Variants in TMEM132D observed in about 807,000 individuals in gnomAD.
TMEM132D encodes transmembrane protein 132D.
Under a neutral mutation model 62.3 loss-of-function variants are expected in TMEM132D, and 21 were observed. The ratio of observed to expected loss-of-function variants is 0.34; its 90% CI spans 0.24 to 0.49. The LOEUF (loss-of-function observed/expected upper bound fraction) is 0.49, where lower values mean the gene tolerates loss of function less well. TMEM132D is among the 20% of genes least tolerant of loss of function. The pLI is 0.99. For missense variants in TMEM132D, 1,346 were observed against 1,402.8 expected, an observed-to-expected ratio of 0.96 and a Z score of 0.65; for synonymous variants, 621 against 575.6, an observed-to-expected ratio of 1.08 and a Z score of -1.13.
intron 3 of TMEM132D, among the ~76,000 whole-genome samples, chr12:129,386,489 A>G (rs1871108626): frequency 6.6e-6 from 1 of 152,022 alleles, no homozygotes; most frequent in Non-Finnish European, 1.5e-5. Flanking sequence ...CACCAACACC[A>G]ACACCACCAA....
chr12:129,886,374 A>T (rs573003874), intron 1 of TMEM132D, among the ~76,000 whole-genome samples: 1 of 152,284 alleles, frequency 6.6e-6, no homozygotes, highest in Admixed American at 6.5e-5. Context: ...GAGAGAGAGA[A>T]GACAGAGGAT....
rs1874167081 is a variant in TMEM132D, at chr12:129,074,133, C to A, written c.3042G>T (p.Gly1014=). The part of the protein sequence containing the change: ...LSTNSQKSIN[G]QLFKPLGPII... ...TGGGTCCCAAAGGTTTGAACAGCTG[C>A]CCATTGATGCTTTTTTGGGAGTTTG... is the stretch of plus-strand genomic sequence containing the variant. The change falls in exon 9 of 9, where the codon GGG becomes GGT. Residue 1014 remains glycine, a synonymous_variant. Coordinates refer to ENST00000422113, the MANE Select transcript of TMEM132D (RefSeq NM_133448.3). 6.2e-7 allele frequency: 1 copy of A among 1,614,064 alleles called. No individual in the cohort carries two copies. Among genetic ancestry groups the A allele is most frequent in the Non-Finnish European group, 8.5e-7 (1 of 1,180,002 alleles).
intron 5 of TMEM132D, among the ~76,000 whole-genome samples, chr12:129,176,419 T>C (rs569219113): frequency 9.2e-5 from 14 of 152,224 alleles, no homozygotes; most frequent in Admixed American, 3.9e-4. Flanking sequence ...GTAGCCACCA[T>C]TGGGTTGCCA....
At chr12:129,626,276 G>A (rs944691585) in intron 2 of TMEM132D, among the ~76,000 whole-genome samples, 7 of 152,066 alleles carry the variant, frequency 4.6e-5, no homozygotes, top group African/African-American at 7.2e-5. Context: ...GTTTTTGTTC[G>A]TGAAACCCTT....
chr12:129,178,943 C>T (rs763724233), intron 5 of TMEM132D, among the ~76,000 whole-genome samples: 1 of 152,162 alleles, frequency 6.6e-6, no homozygotes, highest in Non-Finnish European at 1.5e-5. Context: ...TTTGCTCTCG[C>T]CACACCCGGG....
At chr12:129,806,548 T>G (rs1353397569) in intron 1 of TMEM132D, among the ~76,000 whole-genome samples, 11 of 76,254 alleles carry the variant, frequency 1.4e-4, no homozygotes, top group Admixed American at 1.9e-4. Context: ...TGTTGTGGGG[T>G]GGGGGGAGGG....
intron 4 of TMEM132D, among the ~76,000 whole-genome samples, chr12:129,310,700 C>G (rs1881951398): frequency 6.6e-6 from 1 of 152,166 alleles, no homozygotes; most frequent in Non-Finnish European, 1.5e-5. Context: ...TGGTATAAAC[C>G]ATCCAACTCC....
At chr12:129,657,542 G>T in intron 2 of TMEM132D, among the ~76,000 whole-genome samples, 1 of 152,202 alleles carries the variant, frequency 6.6e-6, no homozygotes, top group East Asian at 1.9e-4. Context: ...ATACATTTTT[G>T]TAGTTAAAAT....
intron 5 of TMEM132D, among the ~76,000 whole-genome samples, chr12:129,159,540 T>G (rs1426678964): frequency 6.6e-6 from 1 of 152,064 alleles, no homozygotes; most frequent in African/African-American, 2.4e-5. Flanking sequence ...GCAGATCACT[T>G]GAGGCCAGGA....
chr12:129,513,844 A>ATTTT (rs1404193518), intron 3 of TMEM132D, among the ~76,000 whole-genome samples: 4 of 117,196 alleles, frequency 3.4e-5, no homozygotes, highest in East Asian at 2.9e-4. Context: ...TTATTTATTT[A>ATTTT]TTTATTTTTT....
At chr12:129,851,374 G>A (rs1873534901) in intron 1 of TMEM132D, among the ~76,000 whole-genome samples, 1 of 152,076 alleles carries the variant, frequency 6.6e-6, no homozygotes, top group Admixed American at 6.5e-5. Context: ...CCTTCTCGCA[G>A]GCTACTATAA....
At chr12:129,287,590 A>AT (rs1288167533) in intron 4 of TMEM132D, among the ~76,000 whole-genome samples, 7 of 152,216 alleles carry the variant, frequency 4.6e-5, no homozygotes, top group Non-Finnish European at 7.3e-5. Flanking sequence ...CATAGGGAAA[A>AT]TAGGAACCTT....
intron 2 of TMEM132D, among the ~76,000 whole-genome samples, chr12:129,697,812 C>T (rs796774229): frequency 2.0e-5 from 3 of 152,218 alleles, no homozygotes; most frequent in African/African-American, 7.2e-5. Flanking sequence ...ATAAAAGCCA[C>T]CCTTGGACCC....
intron 1 of TMEM132D, among the ~76,000 whole-genome samples, chr12:129,880,255 T>C (rs955903752): frequency 6.6e-5 from 10 of 152,112 alleles, no homozygotes; most frequent in Admixed American, 2.0e-4. Context: ...CAGAATTCTA[T>C]ACCCAGTAAA....
At chr12:129,479,723 G>A (rs969653126) in intron 3 of TMEM132D, among the ~76,000 whole-genome samples, 7 of 152,174 alleles carry the variant, frequency 4.6e-5, no homozygotes, top group African/African-American at 1.4e-4. Flanking sequence ...GAGGAGTGAA[G>A]AAAGTTCTCA....
At chr12:129,257,230 A>G (rs7302686) in intron 4 of TMEM132D, among the ~76,000 whole-genome samples, 13,345 of 135,598 alleles carry the variant, frequency 0.098, 797 homozygotes, top group Admixed American at 0.2. Context: ...TTTTTGAGAT[A>G]GAGTCTCACT....
intron 3 of TMEM132D, among the ~76,000 whole-genome samples, chr12:129,426,118 G>A (rs1302369304): frequency 6.6e-6 from 1 of 152,052 alleles, no homozygotes; most frequent in Non-Finnish European, 1.5e-5. Context: ...TCAAATCAGA[G>A]GAAGAATTCA....
chr12:129,181,378 C>T lies in TMEM132D; in HGVS notation c.1443+28142G>A, dbSNP rs143607904. 1.8e-4 allele frequency among the ~76,000 whole-genome samples: 27 copies of T among 152,338 alleles called. No individual in the cohort carries two copies. The East Asian group carries it at 3.3e-3, about 19-fold the overall frequency. The stretch of plus-strand genomic sequence containing the variant: ...ACTCTTGCCCAGACAATTGCAATCA[C>T]ATCCAAATTGATCTCCCTGCCTCTG... On this transcript the variant is annotated intron_variant, in intron 5 of 8. Transcript: ENST00000422113.
chr12:129,320,520 A>G (rs2135642564), intron 4 of TMEM132D, among the ~76,000 whole-genome samples: 1 of 152,330 alleles, frequency 6.6e-6, no homozygotes, highest in African/African-American at 2.4e-5. Context: ...AAAAGATGAT[A>G]CTAGAAGAGA....
Sources: gnomAD v4.1 joint callset for allele counts (sites outside exome capture counted in the v4.1 genomes callset) on GRCh38, gnomAD v4.1.1 for gene constraint, MANE v1.5 for transcripts, NCBI Gene and HGNC (gene_info 2026-07-23, HGNC 2026-07-21) for gene names.